GALNT13: variants seen among roughly 807,000 people sequenced by gnomAD.
The protein encoded by GALNT13 is polypeptide N-acetylgalactosaminyltransferase 13, also known as UDP-GalNAc:polypeptide N-acetylgalactosaminyltransferase 13.
A neutral mutation model predicts 64.2 loss-of-function variants in GALNT13; 28 were observed. That is an observed-to-expected ratio of 0.44 (90% CI 0.32 to 0.60). The LOEUF (loss-of-function observed/expected upper bound fraction) is 0.60. GALNT13 is among the 20% of genes least tolerant of loss of function. The pLI is 0.05. For synonymous variants in GALNT13, 214 were observed against 224.6 expected (o/e 0.95, Z 0.42); for missense variants, 577 against 669.8 (o/e 0.86, Z 1.53).
the GALNT13 span, among the ~76,000 whole-genome samples, chr2:153,224,928 T>C: frequency 6.6e-6 from 1 of 152,224 alleles, no homozygotes; most frequent in Admixed American, 6.5e-5. Context: ...TGATCCATAT[T>C]ATTTTCCAGT....
At chr2:154,002,779 G>A (rs1030153936) in intron 3 of GALNT13, among the ~76,000 whole-genome samples, 3 of 152,050 alleles carry the variant, frequency 2.0e-5, no homozygotes, top group Admixed American at 2.0e-4. Flanking sequence ...TTGTTCTTTG[G>A]TGGTTTTAGA....
intron 4 of GALNT13, among the ~76,000 whole-genome samples, chr2:154,185,100 T>C (rs547095406): frequency 3.3e-5 from 5 of 152,278 alleles, no homozygotes; most frequent in African/African-American, 9.6e-5. Flanking sequence ...ATCTTTTTAT[T>C]TGACAGCTTT....
At chr2:154,449,257 C>G (rs966741883) in intron 12 of GALNT13, among the ~76,000 whole-genome samples, 4 of 151,676 alleles carry the variant, frequency 2.6e-5, no homozygotes, top group African/African-American at 9.7e-5. Context: ...TAGGCCTCTT[C>G]CGCCACAAAC....
chr2:153,229,638 A>G, the GALNT13 span, among the ~76,000 whole-genome samples: 8 of 152,218 alleles, frequency 5.3e-5, no homozygotes, highest in Admixed American at 4.6e-4. Context: ...CTAGACTGCT[A>G]TATACTTTCC....
the GALNT13 span, among the ~76,000 whole-genome samples, chr2:153,609,289 C>A: frequency 2.6e-5 from 4 of 152,038 alleles, no homozygotes; most frequent in African/African-American, 9.7e-5. Flanking sequence ...TTAAATCAAC[C>A]TCTACCTTTT....
chr2:154,006,367 A>T (rs1696251323), intron 3 of GALNT13, among the ~76,000 whole-genome samples: 1 of 152,184 alleles, frequency 6.6e-6, no homozygotes, highest in African/African-American at 2.4e-5. Flanking sequence ...GGATGATTAA[A>T]ATTAAAAGCT....
chr2:154,401,178 T>C (rs1007171245), intron 10 of GALNT13, among the ~76,000 whole-genome samples: 4 of 152,158 alleles, frequency 2.6e-5, no homozygotes, highest in African/African-American at 4.8e-5. Context: ...ATTGTATGCC[T>C]TAAATATTGC....
chr2:153,834,108 T>C, the GALNT13 span, among the ~76,000 whole-genome samples: 1 of 152,152 alleles, frequency 6.6e-6, no homozygotes, highest in African/African-American at 2.4e-5. Context: ...CACCCCCTTG[T>C]AAGGAAATTT....
At chr2:153,697,354 T>C in the GALNT13 span, among the ~76,000 whole-genome samples, 1 of 152,312 alleles carries the variant, frequency 6.6e-6, no homozygotes, top group African/African-American at 2.4e-5. Context: ...CATTTCCATA[T>C]TTACCACAGC....
intron 2 of GALNT13, among the ~76,000 whole-genome samples, chr2:153,916,840 G>T (rs953799937): frequency 2.0e-5 from 3 of 152,106 alleles, no homozygotes. Flanking sequence ...TTTTAGATGG[G>T]ATTGAGTCTC....
the GALNT13 span, among the ~76,000 whole-genome samples, chr2:153,803,355 C>A: frequency 1.4e-4 from 21 of 152,010 alleles, no homozygotes; most frequent in African/African-American, 4.3e-4. Context: ...TAAATGAGGT[C>A]AATAAGGGTC....
At chr2:154,205,966 T>G (rs1687420365) in intron 4 of GALNT13, among the ~76,000 whole-genome samples, 1 of 152,016 alleles carries the variant, frequency 6.6e-6, no homozygotes. Context: ...GACATACATG[T>G]TTTGAAACAA....
At chr2:154,237,989 A>G (rs568994966) in intron 4 of GALNT13, among the ~76,000 whole-genome samples, 1 of 152,154 alleles carries the variant, frequency 6.6e-6, no homozygotes, top group South Asian at 2.1e-4. Context: ...TGACTGATTT[A>G]TATGGCTTTT....
intron 3 of GALNT13, among the ~76,000 whole-genome samples, chr2:153,966,526 T>C (rs1341726160): frequency 2.0e-5 from 3 of 151,960 alleles, no homozygotes; most frequent in East Asian, 2.0e-4. Flanking sequence ...CCAAAACGCC[T>C]GGCTAATTTT....
At chr2:153,554,168 A>C in the GALNT13 span, among the ~76,000 whole-genome samples, 1 of 151,612 alleles carries the variant, frequency 6.6e-6, no homozygotes, top group Non-Finnish European at 1.5e-5. Context: ...TACAAAAAAA[A>C]AAAAAAAAAT....
At chr2:153,773,606 C>T in the GALNT13 span, among the ~76,000 whole-genome samples, 28 of 151,860 alleles carry the variant, frequency 1.8e-4, no homozygotes, top group Non-Finnish European at 3.7e-4. Context: ...TTCTCTTTTC[C>T]CTTACTTTTC....
chr2:154,269,924 ATTTC>A (rs1559059315), intron 8 of GALNT13, among the ~76,000 whole-genome samples: 4 of 136,722 alleles, frequency 2.9e-5, no homozygotes, highest in African/African-American at 1.0e-4. Flanking sequence ...ATATATATAT[ATTTC>A]TAAAGCACAG....
At chr2:154,338,277 C>G (rs1038999804) in intron 9 of GALNT13, among the ~76,000 whole-genome samples, 1 of 151,970 alleles carries the variant, frequency 6.6e-6, no homozygotes. Flanking sequence ...GTGTTTGTAC[C>G]AAATTAAATA....
At chr2:154,026,242 G>A (rs1399955838) in intron 3 of GALNT13, among the ~76,000 whole-genome samples, 1 of 152,140 alleles carries the variant, frequency 6.6e-6, no homozygotes, top group East Asian at 1.9e-4. Context: ...ATATTGAGAA[G>A]ATAGTTTATG....
Sources: gnomAD v4.1 joint callset for allele counts (sites outside exome capture counted in the v4.1 genomes callset) on GRCh38, gnomAD v4.1.1 for gene constraint, MANE v1.5 for transcripts, NCBI Gene and HGNC (gene_info 2026-07-23, HGNC 2026-07-21) for gene names.